The following ARCN1 variants were observed in gnomAD, a reference collection of about 807,000 sequenced individuals.
ARCN1 encodes the protein coatomer subunit delta.
ARCN1 carries 5 observed loss-of-function variants against 60.4 expected under a neutral mutation model. The observed-to-expected ratio is 0.08, with a 90% CI of 0.04 to 0.17. The LOEUF (loss-of-function observed/expected upper bound fraction) is 0.17. Among genes scored for constraint, ARCN1 ranks in the 10% least tolerant of loss-of-function variants. The probability of loss-of-function intolerance (pLI) is 1.00; values close to 1 mark genes in which losing one functional copy is unlikely to be tolerated. For synonymous variants in ARCN1, 224 were observed against 220.0 expected, an observed-to-expected ratio of 1.02 and a Z score of -0.16; for missense variants, 464 against 626.5, an observed-to-expected ratio of 0.74 and a Z score of 2.77.
rs1939126266 is a variant in ARCN1 at position 118,600,606 on chromosome 11, T to C, written c.1447-19T>C. ...ACTCAAACCTCCTGCTTTACCTTAC[T>C]CTTTGTTTATTTTCCTAGGTTACCA... On this transcript the variant is annotated intron_variant, in intron 9 of 9. Coordinates refer to ENST00000264028, the MANE Select transcript of ARCN1 (RefSeq NM_001655.5). 6.3e-7 allele frequency: 1 copy of C among 1,585,418 alleles called. No individual in the cohort carries two copies. The highest frequency in any genetic ancestry group is 8.6e-7 in the Non-Finnish European group (1 of 1,159,280).
Position 118,581,471 on chromosome 11 carries a change from T to A in ARCN1, c.229T>A (p.Leu77Ile). Residue 77 changes from leucine to isoleucine, a missense_variant, in exon 2 of 10, where the codon TTA (leucine) becomes ATA (isoleucine). Coordinates refer to ENST00000264028, the MANE Select transcript of ARCN1 (RefSeq NM_001655.5). ...VLITTKNSNI[L>I]EDLETLRLFS... ...GATCACTACCAAAAACAGCAACATTTTAGAAGATTTGGAGACCCTAAGGCT... is the reference window on the plus strand; with the variant it reads ...GATCACTACCAAAAACAGCAACATTATAGAAGATTTGGAGACCCTAAGGCT... 6.2e-7 allele frequency: 1 copy of A among 1,614,164 alleles called. No individual in the cohort carries two copies. The highest frequency in any genetic ancestry group is 8.5e-7 in the Non-Finnish European group (1 of 1,180,024).
chr11:118,581,130 C>T (rs1184941977), intron 1 of ARCN1, 116 bp from the exon 2 acceptor site: 2 of 1,328,518 alleles, frequency 1.5e-6, no homozygotes, highest in Non-Finnish European at 2.1e-6. Flanking sequence ...AAAAATAATA[C>T]TACTACTAGT....
chr11:118,588,993 G>A (rs1938836542), intron 5 of ARCN1, among the ~76,000 whole-genome samples: 1 of 152,054 alleles, frequency 6.6e-6, no homozygotes, highest in East Asian at 1.9e-4. Flanking sequence ...ACTCCAGCCT[G>A]GGCAAGAAGA....
intron 6 of ARCN1, among the ~76,000 whole-genome samples, chr11:118,591,920 A>ATTTT (rs1308542874): frequency 6.6e-6 from 1 of 150,456 alleles, no homozygotes; most frequent in Non-Finnish European, 1.5e-5. Flanking sequence ...TTATTTATTT[A>ATTTT]TTTATTTTTT....
intron 5 of ARCN1, among the ~76,000 whole-genome samples, chr11:118,585,424 AC>A (rs146851058): frequency 0.015 from 2,252 of 152,336 alleles, 69 homozygotes; most frequent in African/African-American, 0.051. Flanking sequence ...AGCTATGGTG[AC>A]CCCACACTGT....
intron 5 of ARCN1, among the ~76,000 whole-genome samples, chr11:118,588,797 C>G (rs1938831645): frequency 1.3e-5 from 2 of 152,102 alleles, no homozygotes; most frequent in South Asian, 4.1e-4. Context: ...GCAGGCAGAT[C>G]ACCTGAGGTC....
At chr11:118,584,999 TG>T (rs1292602457) in intron 5 of ARCN1, among the ~76,000 whole-genome samples, 4 of 151,774 alleles carry the variant, frequency 2.6e-5, no homozygotes, top group Non-Finnish European at 5.9e-5. Context: ...CTAATTTTTT[TG>T]TATTTTTAGT....
At chr11:118,599,377 C>G (rs11216924) in intron 9 of ARCN1, among the ~76,000 whole-genome samples, 21,142 of 151,400 alleles carry the variant, frequency 0.14, 2,061 homozygotes, top group East Asian at 0.52. Flanking sequence ...AGGCGCGAGT[C>G]ACCGCGCTCG....
chr11:118,591,131 A>G lies in ARCN1; in HGVS notation c.984+625A>G, dbSNP rs185651208. ...ATGGTGTATTTGAAAAGTACATAAA[A>G]TCCTTTCAATATAAGTGTGTGTGTT... On this transcript the variant is annotated intron_variant, in intron 6 of 9. Coordinates refer to ENST00000264028, the MANE Select transcript of ARCN1 (RefSeq NM_001655.5). 3.6e-3 allele frequency among the ~76,000 whole-genome samples: 546 copies of G among 152,354 alleles called. 3 individuals are homozygous for G. The highest frequency in any genetic ancestry group is 6.4e-3 in the Non-Finnish European group (437 of 68,038).
chr11:118,574,965 G>T (rs1434428182), intron 1 of ARCN1, among the ~76,000 whole-genome samples: 2 of 151,912 alleles, frequency 1.3e-5, no homozygotes, highest in Non-Finnish European at 2.9e-5. Context: ...ATGAGAACAT[G>T]TTCTGACTTT....
At chr11:118,584,708 C>T in intron 5 of ARCN1, 64 bp downstream of exon 5, 1 of 1,367,666 alleles carries the variant, frequency 7.3e-7, no homozygotes, top group East Asian at 2.5e-5. Context: ...TTTTAAAAAT[C>T]TTATTTCAGT....
chr11:118,576,882 G>C (rs9735421), intron 1 of ARCN1, among the ~76,000 whole-genome samples: 6 of 152,044 alleles, frequency 3.9e-5, no homozygotes, highest in African/African-American at 1.4e-4. Flanking sequence ...TCATCTTGAC[G>C]TACTGAAAGC....
chr11:118,597,761 C>G lies in ARCN1; in HGVS notation c.1296C>G (p.Asp432Glu). 6.2e-7 allele frequency: 1 copy of G among 1,614,198 alleles called. No homozygotes were observed. Among genetic ancestry groups the G allele is most frequent in the East Asian group, 2.2e-5 (1 of 44,876 alleles). Residue 432 changes from aspartate (D) to glutamate (E), a missense_variant, in exon 9 of 10, where the codon GAC (aspartate) becomes GAG (glutamate). By Grantham distance (45) the Asp-to-Glu change is conservative. This residue lies in a region of ARCN1 where 359 missense variants were observed against 440.2 expected (regional missense o/e 0.82). Coordinates refer to ENST00000264028, the MANE Select transcript of ARCN1 (RefSeq NM_001655.5). The part of the protein sequence containing the change: ...IGEIDGEYRH[D>E]SRRNTLEWCL... ...AGATCGATGGGGAGTATCGACATGA[C>G]AGTCGACGAAATACCCTGGAGTGGT... is the stretch of plus-strand genomic sequence containing the variant.
At chr11:118,589,299 AG>A (rs1555075914) in intron 5 of ARCN1, among the ~76,000 whole-genome samples, 2 of 152,348 alleles carry the variant, frequency 1.3e-5, no homozygotes, top group Admixed American at 1.3e-4. Flanking sequence ...AATCTGGAAA[AG>A]GGTATATATG....
intron 1 of ARCN1, among the ~76,000 whole-genome samples, chr11:118,575,786 G>T (rs530076993): frequency 6.6e-6 from 1 of 152,264 alleles, no homozygotes; most frequent in African/African-American, 2.4e-5. Flanking sequence ...AGAGAGAGTT[G>T]TGCATATTTA....
intron 9 of ARCN1, among the ~76,000 whole-genome samples, chr11:118,599,392 G>A (rs1372030842): frequency 3.3e-5 from 5 of 150,750 alleles, no homozygotes; most frequent in African/African-American, 1.2e-4. Context: ...CGCTCGGCCC[G>A]GATCATTATT....
chr11:118,586,394 G>A (rs1938780115), intron 5 of ARCN1, among the ~76,000 whole-genome samples: 1 of 152,192 alleles, frequency 6.6e-6, no homozygotes, highest in African/African-American at 2.4e-5. Context: ...ACCGTGCCCA[G>A]CCAAGTATTT....
At chr11:118,594,902 T>G (rs1286887333) in intron 8 of ARCN1, among the ~76,000 whole-genome samples, 2 of 152,172 alleles carry the variant, frequency 1.3e-5, no homozygotes, top group African/African-American at 4.8e-5. Context: ...CAGGCTGCAG[T>G]GCAGTGGTGC....
At chr11:118,586,958 CT>C (rs1555075574) in intron 5 of ARCN1, among the ~76,000 whole-genome samples, 2 of 151,304 alleles carry the variant, frequency 1.3e-5, no homozygotes, top group East Asian at 1.9e-4. Context: ...ACAGAGCAAA[CT>C]TTTGTGAAGG....
Sources: allele counts gnomAD v4.1 joint callset (sites outside exome capture counted in the v4.1 genomes callset), GRCh38; gene constraint gnomAD v4.1.1; regional missense constraint gnomAD v4.1.1; transcripts MANE v1.5; gene names NCBI Gene and HGNC (gene_info 2026-07-23, HGNC 2026-07-21).